GNPDA2: variants seen among roughly 807,000 people sequenced by gnomAD.
The protein encoded by GNPDA2 is glcN6P deaminase 2.
Under a neutral mutation model 27.0 loss-of-function variants are expected in GNPDA2, and 24 were observed. The observed-to-expected ratio is 0.89, with a 90% CI of 0.64 to 1.25. The LOEUF is 1.25. GNPDA2 is among the 50% of genes most tolerant of loss of function. The pLI, the probability that GNPDA2 is intolerant of heterozygous loss-of-function variation, is 0.00. For missense variants in GNPDA2, 286 were observed against 335.1 expected, an observed-to-expected ratio of 0.85 and a Z score of 1.14; for synonymous variants, 94 against 108.4, an observed-to-expected ratio of 0.87 and a Z score of 0.83.
intron 6 of GNPDA2, chr4:44,703,421 GAT>G: frequency 8.7e-7 from 1 of 1,150,308 alleles, no homozygotes; most frequent in Non-Finnish European, 1.1e-6. Context: ...TCTTCAAAGA[GAT>G]TAAGCATGAC....
intron 2 of GNPDA2, among the ~76,000 whole-genome samples, chr4:44,719,315 C>T (rs938708979): frequency 1.3e-5 from 2 of 151,710 alleles, no homozygotes; most frequent in Non-Finnish European, 2.9e-5. Context: ...AAAGGCTGCA[C>T]AAAAAATTCC....
At chr4:44,708,894 G>T (rs1311482371) in intron 5 of GNPDA2, among the ~76,000 whole-genome samples, 1 of 152,030 alleles carries the variant, frequency 6.6e-6, no homozygotes, top group African/African-American at 2.4e-5. Flanking sequence ...ACCACCATGA[G>T]AGAAATACTA....
chr4:44,723,676 G>C (rs1269707339), intron 1 of GNPDA2, among the ~76,000 whole-genome samples: 1 of 152,020 alleles, frequency 6.6e-6, no homozygotes, highest in Non-Finnish European at 1.5e-5. Context: ...TGTTGTTATT[G>C]GAAGGAAGGT....
chr4:44,726,528 C>A lies in GNPDA2; in HGVS notation c.-90G>T, dbSNP rs1718041269. On this transcript the variant is annotated 5_prime_UTR_variant, in exon 1 of 7. Transcript: ENST00000295448. Reference sequence around the variant, plus strand: ...AACAGCGGGAACAAGCAACACCCAACCACCCGAGAGCGACCCCAGCTGACC... The same window carrying A: ...AACAGCGGGAACAAGCAACACCCAAACACCCGAGAGCGACCCCAGCTGACC... 1 of 152,384 alleles carries A rather than the reference C, an allele frequency of 6.6e-6. No individual in the cohort carries two copies. The highest frequency in any genetic ancestry group is 6.5e-5 in the Admixed American group (1 of 15,294). The allele number at this position is 152,384 out of a possible 1,614,324, so 9.4% of individuals were successfully genotyped here. A position where few individuals can be genotyped will look rare whatever the true frequency, so the allele number is the denominator to read the frequency against.
chr4:44,724,043 A>C (rs147251214), intron 1 of GNPDA2, among the ~76,000 whole-genome samples: 52 of 152,256 alleles, frequency 3.4e-4, no homozygotes, highest in African/African-American at 1.2e-3. Context: ...AAGGCAGTCG[A>C]TCGTAGGGAG....
chr4:44,724,372 T>C (rs1354645563), intron 1 of GNPDA2, among the ~76,000 whole-genome samples: 1 of 152,190 alleles, frequency 6.6e-6, no homozygotes, highest in African/African-American at 2.4e-5. Flanking sequence ...ATATAATGAA[T>C]TATTTTCCTT....
intron 6 of GNPDA2, chr4:44,704,751 C>T (rs901141640): frequency 1.0e-6 from 1 of 984,432 alleles, no homozygotes; most frequent in Non-Finnish European, 1.2e-6. Context: ...TTAAATGTCA[C>T]AGATTCTAAC....
intron 5 of GNPDA2, among the ~76,000 whole-genome samples, 184 bp downstream of exon 5, chr4:44,710,769 A>G (rs1716924046): frequency 6.6e-6 from 1 of 152,216 alleles, no homozygotes; most frequent in Admixed American, 6.5e-5. Context: ...TACAGCTCCA[A>G]AAGACTTAAT....
chr4:44,724,292 C>T (rs1717873556), intron 1 of GNPDA2, among the ~76,000 whole-genome samples: 1 of 152,156 alleles, frequency 6.6e-6, no homozygotes, highest in Admixed American at 6.5e-5. Flanking sequence ...AAGTCCTCTG[C>T]CTCCAGACCC....
intron 4 of GNPDA2, among the ~76,000 whole-genome samples, chr4:44,713,154 T>A (rs956661560): frequency 2.0e-5 from 3 of 152,214 alleles, no homozygotes; most frequent in African/African-American, 7.2e-5. Context: ...CTTGTTCTCT[T>A]CTGCCTTGCT....
chr4:44,707,577 C>G (rs1716686973), intron 6 of GNPDA2, 175 bp downstream of exon 6: 1 of 425,880 alleles, frequency 2.3e-6, no homozygotes, highest in Non-Finnish European at 4.1e-6. Context: ...AAAAAAGGTA[C>G]TACTTTGAAG....
At chr4:44,713,117 C>T (rs1012535090) in intron 4 of GNPDA2, among the ~76,000 whole-genome samples, 4 of 152,188 alleles carry the variant, frequency 2.6e-5, no homozygotes, top group African/African-American at 9.6e-5. Context: ...CTTTGGTCAG[C>T]TCGGTATAGT....
chr4:44,716,912 T>C (rs1041822748), intron 4 of GNPDA2, among the ~76,000 whole-genome samples: 3 of 151,880 alleles, frequency 2.0e-5, no homozygotes, highest in African/African-American at 7.2e-5. Context: ...CAATTCCAGC[T>C]GTCAATTTGA....
Position 44,716,519 on chromosome 4 carries a change from T to C in GNPDA2, c.409+594A>G, listed in dbSNP as rs200592016. ...CTTATTTTTAACTGTAGATTATATA[T>C]ACACACACATATATAAATTACAAGT... On this transcript the variant is annotated intron_variant, in intron 4 of 6. Coordinates refer to ENST00000295448, the MANE Select transcript of GNPDA2 (RefSeq NM_138335.3). 1.7e-4 allele frequency among the ~76,000 whole-genome samples: 25 copies of C among 151,126 alleles called. 1 individual carries two copies. The highest frequency in any genetic ancestry group is 3.4e-4 in the African/African-American group (14 of 40,908).
chr4:44,721,078 C>T (rs1322175632), intron 2 of GNPDA2, among the ~76,000 whole-genome samples: 2 of 151,338 alleles, frequency 1.3e-5, no homozygotes, highest in Non-Finnish European at 2.9e-5. Context: ...ACCCTTTTGC[C>T]ATTCTCACCA....
At chr4:44,714,253 G>A in intron 4 of GNPDA2, 1 of 971,570 alleles carries the variant, frequency 1.0e-6, no homozygotes. Context: ...GGGATTATAG[G>A]TGTGAGCCAC....
chr4:44,705,002 G>C, intron 6 of GNPDA2: 2 of 978,994 alleles, frequency 2.0e-6, no homozygotes, highest in Non-Finnish European at 2.4e-6. Context: ...CTTTCAAAAG[G>C]TATATACCGT....
intron 2 of GNPDA2, among the ~76,000 whole-genome samples, chr4:44,719,209 C>T (rs1717518354): frequency 1.3e-5 from 2 of 151,776 alleles, no homozygotes; most frequent in African/African-American, 2.4e-5. Flanking sequence ...GCTAGATTGA[C>T]TGCATTCTTC....
In GNPDA2 at chr4:44,702,477, T is replaced by C; in HGVS notation, c.*604A>G. 1 of 982,822 alleles carries C rather than the reference T, an allele frequency of 1.0e-6. No individual in the cohort carries two copies. The highest frequency in any genetic ancestry group is 1.2e-6 in the Non-Finnish European group (1 of 827,236). The allele number at this position is 982,822 out of a possible 1,614,324, so 60.9% of individuals were successfully genotyped here. A position where few individuals can be genotyped will look rare whatever the true frequency, so the allele number is the denominator to read the frequency against. ...TATAGAAGAAGGTGCACAAAAAACA[T>C]GCACTTACACATACTTTCCAAAAGG... is the stretch of plus-strand genomic sequence containing the variant. On this transcript the variant is annotated 3_prime_UTR_variant, in exon 7 of 7. Transcript: ENST00000295448.
Sources: gnomAD v4.1 joint callset for allele counts (sites outside exome capture counted in the v4.1 genomes callset) on GRCh38, gnomAD v4.1.1 for gene constraint, MANE v1.5 for transcripts, NCBI Gene and HGNC (gene_info 2026-07-23, HGNC 2026-07-21) for gene names.